Variants in NRG3 observed in about 807,000 individuals in gnomAD.
NRG3 encodes the protein neuregulin 3.
NRG3 carries 31 observed loss-of-function variants against 66.9 expected under a neutral mutation model. The ratio of observed to expected loss-of-function variants is 0.46; its 90% CI spans 0.35 to 0.63. The LOEUF (loss-of-function observed/expected upper bound fraction) is 0.63. Among genes scored for constraint, NRG3 ranks in the 20% least tolerant of loss-of-function variants. The pLI, the probability that NRG3 is intolerant of heterozygous loss-of-function variation, is 0.00. For synonymous variants in NRG3, 393 were observed against 359.4 expected (o/e 1.09, Z -1.06); for missense variants, 910 against 878.9 (o/e 1.04, Z -0.45).
intron 2 of NRG3, among the ~76,000 whole-genome samples, chr10:82,603,078 G>A (rs781057794): frequency 1.3e-5 from 2 of 152,188 alleles, no homozygotes; most frequent in Admixed American, 6.5e-5. Flanking sequence ...CTTGGAAGAT[G>A]TGTTATTGTT....
intron 2 of NRG3, among the ~76,000 whole-genome samples, chr10:82,656,211 A>T (rs1365292904): frequency 6.6e-6 from 1 of 152,166 alleles, no homozygotes; most frequent in Non-Finnish European, 1.5e-5. Context: ...CAGACAAAAA[A>T]ATTGAGCAAT....
intron 4 of NRG3, 36 bp from the exon 5 acceptor site, chr10:82,951,433 T>A: frequency 6.6e-7 from 1 of 1,508,660 alleles, no homozygotes; most frequent in Non-Finnish European, 9.2e-7. Context: ...TGCACCCCGC[T>A]AGCATCCATT....
intron 1 of NRG3, among the ~76,000 whole-genome samples, chr10:82,077,281 C>T (rs576781252): frequency 6.6e-6 from 1 of 152,290 alleles, no homozygotes; most frequent in East Asian, 1.9e-4. Flanking sequence ...CTCTTTGACA[C>T]TTAATCCATC....
At chr10:82,944,960 C>T (rs1456482775) in intron 4 of NRG3, among the ~76,000 whole-genome samples, 1 of 152,086 alleles carries the variant, frequency 6.6e-6, no homozygotes, top group African/African-American at 2.4e-5. Flanking sequence ...ATCAGGCTTC[C>T]ATTTGCTTAT....
chr10:82,531,275 C>T (rs1436090122), intron 2 of NRG3, among the ~76,000 whole-genome samples: 1 of 151,656 alleles, frequency 6.6e-6, no homozygotes, highest in Non-Finnish European at 1.5e-5. Flanking sequence ...TTCAAGATTC[C>T]TTCTCCCATT....
intron 4 of NRG3, among the ~76,000 whole-genome samples, chr10:82,914,231 ACAAT>A (rs1845615517): frequency 6.6e-6 from 1 of 152,114 alleles, no homozygotes; most frequent in South Asian, 2.1e-4. Context: ...CTTTGGCCTA[ACAAT>A]CAGTTAAATT....
At chr10:82,769,361 C>T (rs961927451) in intron 3 of NRG3, among the ~76,000 whole-genome samples, 4 of 151,916 alleles carry the variant, frequency 2.6e-5, no homozygotes, top group African/African-American at 7.3e-5. Flanking sequence ...AGAAAATATA[C>T]CTTCAAGAGT....
intron 3 of NRG3, among the ~76,000 whole-genome samples, chr10:82,799,323 T>G (rs2060931183): frequency 6.6e-6 from 1 of 151,846 alleles, no homozygotes; most frequent in South Asian, 2.1e-4. Flanking sequence ...AGTCAGGAGT[T>G]CAAACCAGCC....
intron 1 of NRG3, among the ~76,000 whole-genome samples, chr10:81,928,314 G>A (rs974926367): frequency 6.6e-6 from 1 of 152,142 alleles, no homozygotes; most frequent in Admixed American, 6.5e-5. Flanking sequence ...CCCCTGCAGG[G>A]ATTCTGATTG....
chr10:82,236,141 C>CA (rs151218288), intron 1 of NRG3, among the ~76,000 whole-genome samples: 6,189 of 152,236 alleles, frequency 0.041, 199 homozygotes, highest in East Asian at 0.14. Flanking sequence ...CTAACTCTGT[C>CA]ATTTATTGAG....
At chr10:82,867,123 A>G (rs2135959061) in intron 4 of NRG3, among the ~76,000 whole-genome samples, 1 of 152,300 alleles carries the variant, frequency 6.6e-6, no homozygotes, top group Non-Finnish European at 1.5e-5. Context: ...TGGCTCAAAG[A>G]CGGTAGCAAT....
chr10:82,480,026 C>G (rs1381288816), intron 2 of NRG3, among the ~76,000 whole-genome samples: 1 of 152,174 alleles, frequency 6.6e-6, no homozygotes. Context: ...AAAACGTGTT[C>G]TGTCCTGCCC....
At chr10:81,959,287 A>G (rs1004335604) in intron 1 of NRG3, among the ~76,000 whole-genome samples, 1 of 152,170 alleles carries the variant, frequency 6.6e-6, no homozygotes, top group African/African-American at 2.4e-5. Flanking sequence ...CTGTGAAACA[A>G]ATACTACCCC....
At chr10:82,856,756 C>CAAAAA (rs67224862) in intron 3 of NRG3, among the ~76,000 whole-genome samples, 172 of 107,058 alleles carry the variant, frequency 1.6e-3, no homozygotes, top group Middle Eastern at 7.8e-3. Context: ...AAAAAAAAAA[C>CAAAAA]AAAAAAAAAA....
chr10:82,922,445 A>C (rs1162413819), intron 4 of NRG3, among the ~76,000 whole-genome samples: 1 of 152,130 alleles, frequency 6.6e-6, no homozygotes, highest in Non-Finnish European at 1.5e-5. Context: ...TCTGTCTTTC[A>C]GGAGCAGGTT....
chr10:82,513,022 C>G (rs1238328319), intron 2 of NRG3, among the ~76,000 whole-genome samples: 2 of 152,114 alleles, frequency 1.3e-5, no homozygotes, highest in African/African-American at 4.8e-5. Flanking sequence ...TAAATGTGTG[C>G]CATGGTGGTT....
At chr10:82,448,143 G>T (rs1435571523) in intron 2 of NRG3, among the ~76,000 whole-genome samples, 2 of 152,194 alleles carry the variant, frequency 1.3e-5, no homozygotes, top group African/African-American at 2.4e-5. Context: ...GTGTCTGGAG[G>T]ATATCTTCAG....
intron 1 of NRG3, among the ~76,000 whole-genome samples, chr10:82,336,981 G>T (rs532840674): frequency 2.0e-5 from 3 of 152,120 alleles, no homozygotes; most frequent in African/African-American, 7.2e-5. Context: ...TTTTTGGGAG[G>T]TATGTGAGGG....
chr10:82,617,321 TAGACACACACACACAC>T (rs938388671), intron 2 of NRG3, among the ~76,000 whole-genome samples: 15 of 134,554 alleles, frequency 1.1e-4, no homozygotes, highest in South Asian at 2.4e-4. Context: ...CACGCACACA[TAGACACACACACACAC>T]AGACACACAC....
Sources: allele counts gnomAD v4.1 joint callset (sites outside exome capture counted in the v4.1 genomes callset), GRCh38; gene constraint gnomAD v4.1.1; transcripts MANE v1.5; gene names NCBI Gene and HGNC (gene_info 2026-07-23, HGNC 2026-07-21).